LYPLAL1: variants seen among roughly 807,000 people sequenced by gnomAD.
LYPLAL1 encodes the protein lysophospholipase like 1.
In LYPLAL1, 23 loss-of-function variants were observed where a neutral mutation model predicts 19.7. The observed-to-expected ratio is 1.17, with a 90% CI of 0.84 to 1.65. LYPLAL1 has a LOEUF of 1.65. LYPLAL1 is among the 40% of genes most tolerant of loss of function. The probability of loss-of-function intolerance (pLI) is 0.00; values close to 1 mark genes in which losing one functional copy is unlikely to be tolerated. For missense variants in LYPLAL1, 355 were observed against 279.4 expected (o/e 1.27, Z -1.93); for synonymous variants, 119 against 96.3 (o/e 1.24, Z -1.38).
intron 2 of LYPLAL1, among the ~76,000 whole-genome samples, chr1:219,191,978 G>T (rs944995362): frequency 6.6e-6 from 1 of 151,202 alleles, no homozygotes; most frequent in Non-Finnish European, 1.5e-5. Flanking sequence ...GTTTCTCTGA[G>T]AAACTTTCCA....
intron 1 of LYPLAL1, among the ~76,000 whole-genome samples, chr1:219,174,701 G>A (rs1655668298): frequency 6.6e-6 from 1 of 152,152 alleles, no homozygotes; most frequent in African/African-American, 2.4e-5. Flanking sequence ...ACTGGATTGT[G>A]AACTTCCCAC....
At chr1:219,424,447 G>C in the LYPLAL1 span, among the ~76,000 whole-genome samples, 1 of 152,218 alleles carries the variant, frequency 6.6e-6, no homozygotes, top group Non-Finnish European at 1.5e-5. Context: ...TAGCTATGTA[G>C]CTGCCAGATC....
the LYPLAL1 span, among the ~76,000 whole-genome samples, chr1:219,235,550 C>A: frequency 6.6e-6 from 1 of 152,120 alleles, no homozygotes; most frequent in Non-Finnish European, 1.5e-5. Flanking sequence ...TGTGCCATGA[C>A]CAAACATGTT....
At chr1:219,205,693 C>T (rs540263367) in intron 3 of LYPLAL1, among the ~76,000 whole-genome samples, 1 of 152,156 alleles carries the variant, frequency 6.6e-6, no homozygotes, top group Non-Finnish European at 1.5e-5. Flanking sequence ...AAGATGAAGT[C>T]TAGCATCAAA....
the LYPLAL1 span, among the ~76,000 whole-genome samples, chr1:219,413,411 A>C: frequency 6.6e-6 from 1 of 152,196 alleles, no homozygotes; most frequent in South Asian, 2.1e-4. Context: ...AGATAAACAA[A>C]ACACCTTCCA....
At chr1:219,304,304 A>G in the LYPLAL1 span, among the ~76,000 whole-genome samples, 1 of 152,250 alleles carries the variant, frequency 6.6e-6, no homozygotes, top group South Asian at 2.1e-4. Context: ...AATAACAAAT[A>G]TTAAATAATT....
chr1:219,257,606 A>G, the LYPLAL1 span, among the ~76,000 whole-genome samples: 1 of 152,062 alleles, frequency 6.6e-6, no homozygotes, highest in South Asian at 2.1e-4. Context: ...GAGGGACTGT[A>G]TGAACTGGGA....
At chr1:219,337,492 G>C in the LYPLAL1 span, among the ~76,000 whole-genome samples, 1 of 151,984 alleles carries the variant, frequency 6.6e-6, no homozygotes, top group Non-Finnish European at 1.5e-5. Context: ...TTTGATTAAA[G>C]CAGGAGCACA....
chr1:219,420,194 T>C, the LYPLAL1 span, among the ~76,000 whole-genome samples: 2 of 152,218 alleles, frequency 1.3e-5, no homozygotes, highest in East Asian at 3.8e-4. Flanking sequence ...TGAAAGTCAC[T>C]CACAGTGTTA....
chr1:219,206,476 T>A (rs752441722), intron 3 of LYPLAL1, among the ~76,000 whole-genome samples: 2 of 152,070 alleles, frequency 1.3e-5, no homozygotes, highest in Non-Finnish European at 2.9e-5. Context: ...AAGTCCCTTT[T>A]CACAGTAGTG....
At chr1:219,358,665 T>C in the LYPLAL1 span, among the ~76,000 whole-genome samples, 1 of 152,060 alleles carries the variant, frequency 6.6e-6, no homozygotes, top group East Asian at 1.9e-4. Flanking sequence ...TCATTCACTA[T>C]CAGGAGAACA....
At chr1:219,294,663 A>G in the LYPLAL1 span, among the ~76,000 whole-genome samples, 2 of 152,196 alleles carry the variant, frequency 1.3e-5, no homozygotes, top group South Asian at 4.1e-4. Context: ...CTGTTCTACC[A>G]TATGGCTTAA....
the LYPLAL1 span, among the ~76,000 whole-genome samples, chr1:219,277,717 A>G: frequency 5.3e-5 from 8 of 152,332 alleles, no homozygotes; most frequent in African/African-American, 1.9e-4. Flanking sequence ...AGGCATTTTA[A>G]CAAATTGGCT....
the LYPLAL1 span, among the ~76,000 whole-genome samples, chr1:219,266,873 CA>C: frequency 6.6e-6 from 1 of 152,116 alleles, no homozygotes; most frequent in Non-Finnish European, 1.5e-5. Flanking sequence ...TATCTTTCCC[CA>C]AAATTATGTT....
the LYPLAL1 span, among the ~76,000 whole-genome samples, chr1:219,240,859 T>G: frequency 6.6e-6 from 1 of 151,816 alleles, no homozygotes; most frequent in Non-Finnish European, 1.5e-5. Flanking sequence ...TCTTTCCCAA[T>G]GGAATGTGGG....
chr1:219,219,941 AC>A, the LYPLAL1 span, among the ~76,000 whole-genome samples: 36,906 of 152,036 alleles, frequency 0.24, 4,644 homozygotes, highest in Non-Finnish European at 0.29. Context: ...TGGGAGAACA[AC>A]ATCATGTTTT....
rs1657329567 is a variant in LYPLAL1, at chr1:219,193,170, A to G, written c.280A>G (p.Ile94Val). 1.9e-6 allele frequency: 3 copies of G among 1,610,940 alleles called. No homozygotes were observed. Among genetic ancestry groups the G allele is most frequent in the South Asian group, 1.1e-5 (1 of 90,966 alleles). ...TNDCPEHLES[I>V]DVMCQVLTDL... ...TGACTGCCCAGAACACCTTGAATCA[A>G]TTGATGTCATGTGTCAAGTGCTTAC... Residue 94 changes from isoleucine to valine, a missense_variant, in exon 3 of 5, where the codon ATT (isoleucine) becomes GTT (valine). Coordinates refer to ENST00000366928, the MANE Select transcript of LYPLAL1 (RefSeq NM_138794.5).
chr1:219,335,426 G>T, the LYPLAL1 span, among the ~76,000 whole-genome samples: 3 of 151,602 alleles, frequency 2.0e-5, no homozygotes, highest in Middle Eastern at 0.01. Flanking sequence ...TTTTTCTGGG[G>T]TATATCTTCA....
chr1:219,262,603 T>G, the LYPLAL1 span, among the ~76,000 whole-genome samples: 1 of 152,268 alleles, frequency 6.6e-6, no homozygotes, highest in Non-Finnish European at 1.5e-5. Flanking sequence ...TTATTATTGC[T>G]TTTCTGGGTC....
Sources: gnomAD v4.1 joint callset for allele counts (sites outside exome capture counted in the v4.1 genomes callset) on GRCh38, gnomAD v4.1.1 for gene constraint, MANE v1.5 for transcripts, NCBI Gene and HGNC (gene_info 2026-07-23, HGNC 2026-07-21) for gene names.